The following PLEKHM3 variants were observed in gnomAD, a reference collection of about 807,000 sequenced individuals.
PLEKHM3 encodes pleckstrin homology domain containing M3, also known as pleckstrin homology domain-containing family M member 3.
Under a neutral mutation model 81.8 loss-of-function variants are expected in PLEKHM3, and 45 were observed. That is an observed-to-expected ratio of 0.55 (90% CI 0.43 to 0.71). The LOEUF is 0.71. Among genes scored for constraint, PLEKHM3 ranks in the 30% least tolerant of loss-of-function variants. The pLI is 0.00. For missense variants in PLEKHM3, 788 were observed against 924.3 expected, an observed-to-expected ratio of 0.85 and a Z score of 1.91; for synonymous variants, 352 against 356.4, an observed-to-expected ratio of 0.99 and a Z score of 0.14.
intron 7 of PLEKHM3, among the ~76,000 whole-genome samples, chr2:207,834,288 G>A (rs1366253176): frequency 1.3e-5 from 2 of 151,870 alleles, no homozygotes; most frequent in Non-Finnish European, 2.9e-5. Flanking sequence ...GCACCACTAA[G>A]CCTGGCTAAT....
chr2:207,931,189 C>T (rs554826912), intron 4 of PLEKHM3, 70 bp from the exon 5 acceptor site: 2 of 1,376,472 alleles, frequency 1.5e-6, no homozygotes, highest in Admixed American at 5.0e-5. Flanking sequence ...AAACTAGGAA[C>T]CATAGCTGAA....
At chr2:207,904,786 G>T (rs1688550996) in intron 6 of PLEKHM3, among the ~76,000 whole-genome samples, 1 of 152,208 alleles carries the variant, frequency 6.6e-6, no homozygotes, top group South Asian at 2.1e-4. Context: ...CAGCGGTAAG[G>T]TAGCTTGAAA....
intron 6 of PLEKHM3, among the ~76,000 whole-genome samples, chr2:207,880,689 G>T: frequency 7.2e-6 from 1 of 138,566 alleles, no homozygotes; most frequent in Non-Finnish European, 1.5e-5. Flanking sequence ...CGTGAACCCG[G>T]GAGGCGGAGC....
At chr2:207,989,091 G>A (rs1218024317) in intron 2 of PLEKHM3, among the ~76,000 whole-genome samples, 1 of 152,132 alleles carries the variant, frequency 6.6e-6, no homozygotes, top group Non-Finnish European at 1.5e-5. Flanking sequence ...CTCTCCTCCT[G>A]AGAACAGGAA....
chr2:207,861,183 C>A lies in PLEKHM3; in HGVS notation c.2030G>T (p.Cys677Phe). 6.2e-7 allele frequency: 1 copy of A among 1,614,132 alleles called. No homozygotes were observed. Residue 677 changes from cysteine to phenylalanine, a missense_variant, in exon 7 of 8, where the codon TGT becomes TTT. By Grantham distance (205) the Cys-to-Phe change is radical. Transcript: ENST00000427836. ...TTCACAGATGAACCCCTTCTGGCTA[C>A]AAAGACTGCAGCTGTACACGTGTGA... The part of the protein sequence containing the change: ...ATSHVYSCSL[C>F]SQKGFICEIC...
intron 3 of PLEKHM3, among the ~76,000 whole-genome samples, chr2:207,961,925 T>C (rs1690748854): frequency 6.6e-6 from 1 of 152,218 alleles, no homozygotes; most frequent in African/African-American, 2.4e-5. Flanking sequence ...CCTCCTTTCA[T>C]CCAGGTTCCA....
chr2:207,892,020 C>T (rs11897810), intron 6 of PLEKHM3, among the ~76,000 whole-genome samples: 36,368 of 152,054 alleles, frequency 0.24, 4,467 homozygotes, highest in Middle Eastern at 0.33. Flanking sequence ...AAACTGAGGA[C>T]ACCCTTCAAG....
At chr2:207,962,366 G>A (rs929053795) in intron 3 of PLEKHM3, among the ~76,000 whole-genome samples, 2 of 152,342 alleles carry the variant, frequency 1.3e-5, no homozygotes, top group Non-Finnish European at 2.9e-5. Flanking sequence ...GGAAGGTGAT[G>A]CAGCCTGATT....
chr2:207,857,275 T>G (rs2092441776), intron 7 of PLEKHM3, among the ~76,000 whole-genome samples: 1 of 152,250 alleles, frequency 6.6e-6, no homozygotes, highest in Non-Finnish European at 1.5e-5. Flanking sequence ...TGACCCACCC[T>G]TATCCTTGCA....
chr2:207,860,515 T>C (rs2092461985), intron 7 of PLEKHM3, among the ~76,000 whole-genome samples: 1 of 152,198 alleles, frequency 6.6e-6, no homozygotes, highest in African/African-American at 2.4e-5. Context: ...AAAAGTAATA[T>C]GTATCATTTT....
At chr2:207,855,204 T>C (rs962119296) in intron 7 of PLEKHM3, among the ~76,000 whole-genome samples, 1 of 151,976 alleles carries the variant, frequency 6.6e-6, no homozygotes, top group Non-Finnish European at 1.5e-5. Flanking sequence ...AGTAAGGAAA[T>C]GCTGAAAACC....
intron 5 of PLEKHM3, among the ~76,000 whole-genome samples, chr2:207,923,905 A>ATATATATTT (rs1396762429): frequency 4.2e-4 from 12 of 28,334 alleles, no homozygotes; most frequent in South Asian, 1.7e-3. Flanking sequence ...ATATATATAT[A>ATATATATTT]TTTTTTTTTT....
At chr2:207,882,482 G>T (rs1326781286) in intron 6 of PLEKHM3, among the ~76,000 whole-genome samples, 1 of 151,916 alleles carries the variant, frequency 6.6e-6, no homozygotes, top group East Asian at 1.9e-4. Context: ...CATGGTCATG[G>T]GTGCCTGTAA....
intron 6 of PLEKHM3, among the ~76,000 whole-genome samples, chr2:207,894,975 G>A (rs1428829580): frequency 9.2e-5 from 14 of 152,142 alleles, no homozygotes; most frequent in African/African-American, 2.9e-4. Flanking sequence ...GATAATCCAC[G>A]TAGATTTAGG....
At chr2:208,017,623 C>T (rs1053019915) in intron 1 of PLEKHM3, among the ~76,000 whole-genome samples, 14 of 152,096 alleles carry the variant, frequency 9.2e-5, no homozygotes, top group Non-Finnish European at 4.4e-5. Context: ...ATACTTTCCC[C>T]TTCCTCTCTT....
intron 6 of PLEKHM3, among the ~76,000 whole-genome samples, chr2:207,892,580 T>C (rs1024579021): frequency 3.9e-5 from 6 of 152,140 alleles, no homozygotes; most frequent in African/African-American, 7.2e-5. Flanking sequence ...CTCTCCACCC[T>C]TGACAGATTC....
intron 2 of PLEKHM3, among the ~76,000 whole-genome samples, chr2:207,997,730 CA>C (rs2106083231): frequency 6.6e-6 from 1 of 152,216 alleles, no homozygotes; most frequent in African/African-American, 2.4e-5. Context: ...TACATTTCAA[CA>C]AAAATGCTCA....
chr2:207,838,968 G>C (rs1422176395), intron 7 of PLEKHM3, among the ~76,000 whole-genome samples: 1 of 152,068 alleles, frequency 6.6e-6, no homozygotes, highest in Admixed American at 6.6e-5. Flanking sequence ...TAAGATGAAG[G>C]GAGTGAATAC....
intron 2 of PLEKHM3, among the ~76,000 whole-genome samples, chr2:207,979,882 T>C (rs1445116192): frequency 6.6e-6 from 1 of 152,200 alleles, no homozygotes; most frequent in Non-Finnish European, 1.5e-5. Context: ...TTCATTAGTA[T>C]TTCTGTGGTA....
Sources: gnomAD v4.1 joint callset for allele counts (sites outside exome capture counted in the v4.1 genomes callset) on GRCh38, gnomAD v4.1.1 for gene constraint, MANE v1.5 for transcripts, NCBI Gene and HGNC (gene_info 2026-07-23, HGNC 2026-07-21) for gene names.